Variants in MXRA5 observed in about 807,000 individuals in gnomAD.
MXRA5 encodes matrix-remodeling-associated protein 5.
A neutral mutation model predicts 112.5 loss-of-function variants in MXRA5; 41 were observed. That is an observed-to-expected ratio of 0.36 (90% CI 0.28 to 0.47). MXRA5 has a LOEUF of 0.47. MXRA5 is among the 20% of genes least tolerant of loss of function. The probability of loss-of-function intolerance (pLI) is 0.99; values close to 1 mark genes in which losing one functional copy is unlikely to be tolerated. For missense variants in MXRA5, 2,150 were observed against 2,251.0 expected (o/e 0.96, Z 0.91); for synonymous variants, 862 against 900.8 (o/e 0.96, Z 0.77).
chrX:3,330,434 A>G, intron 3 of MXRA5, 26 bp from the exon 4 acceptor site: 1 of 1,167,090 alleles, frequency 8.6e-7, no homozygotes, highest in Non-Finnish European at 1.1e-6. Flanking sequence ...AAAACAAAAC[A>G]AAACAAAAGG....
intron 2 of MXRA5, among the ~76,000 whole-genome samples, chrX:3,341,057 T>TACATAA (rs1569188305): frequency 8.0e-5 from 2 of 25,030 alleles, no homozygotes; most frequent in Non-Finnish European, 1.1e-4. Context: ...ATAATATATA[T>TACATAA]TATATATTAT....
intron 4 of MXRA5, among the ~76,000 whole-genome samples, chrX:3,325,842 T>A (rs5983123): frequency 5.8e-4 from 18 of 31,108 alleles, no homozygotes; most frequent in Admixed American, 1.6e-3. Flanking sequence ...ATATATTTAT[T>A]CATAAATAAT....
At position 3,317,278 on chromosome X, in the gene MXRA5, C is replaced by T. The variant is rs1921166479; in HGVS notation, c.6403G>A (p.Val2135Met). 8.3e-7 allele frequency: 1 copy of T among 1,206,874 alleles called. No homozygotes were observed. The highest frequency in any genetic ancestry group is 1.1e-6 in the Non-Finnish European group (1 of 892,864). Residue 2135 changes from valine (V) to methionine (M), a missense_variant, in exon 6 of 7, where the codon GTG becomes ATG. Val to Met is a conservative substitution (Grantham distance 21, BLOSUM62 1). Around this residue, in one of 6 missense-constraint regions of MXRA5, gnomAD observed 1,485 missense variants for 1,471.6 expected, o/e 1.01. Coordinates refer to ENST00000217939, the MANE Select transcript of MXRA5 (RefSeq NM_015419.4). ...GCTGCACGCTGCACGTTCAGCTGCA[C>T]CGTCCTGCGCGCGGAGCCTACCAGG... ...ANLVGSARRTVQLNVQRAAAN... is the reference protein window; with the variant it reads ...ANLVGSARRTMQLNVQRAAAN...
At position 3,317,239 on chromosome X, in the gene MXRA5, T is replaced by C; in HGVS notation, c.6442A>G (p.Ile2148Val). ...NVQRAAANARITGTSPRRTDV... is the reference protein window; with the variant it reads ...NVQRAAANARVTGTSPRRTDV... ...GTCCTCCGCGGGGAGGTGCCCGTGATGCGCGCGTTGGCTGCTGCACGCTGC... is the reference window on the plus strand; with the variant it reads ...GTCCTCCGCGGGGAGGTGCCCGTGACGCGCGCGTTGGCTGCTGCACGCTGC... Residue 2148 changes from isoleucine to valine, a missense_variant, in exon 6 of 7, where the codon ATC (isoleucine) becomes GTC (valine). Physicochemically the swap from Ile to Val is conservative, Grantham distance 29. Transcript: ENST00000217939. 8.3e-7 allele frequency: 1 copy of C among 1,211,218 alleles called. No homozygotes were observed. The highest frequency in any genetic ancestry group is 1.1e-6 in the Non-Finnish European group (1 of 895,308).
At chrX:3,335,998 G>A (rs1921776792) in intron 2 of MXRA5, among the ~76,000 whole-genome samples, 1 of 112,230 alleles carries the variant, frequency 8.9e-6, no homozygotes, top group Non-Finnish European at 1.9e-5. Context: ...GGAGGTGAGT[G>A]GTGGGTGAGC....
Position 3,317,325 on chromosome X carries a change from C to T in MXRA5, c.6356G>A (p.Arg2119His), listed in dbSNP as rs749329546. 2 of 1,207,008 alleles carry T rather than the reference C, an allele frequency of 1.7e-6. No homozygotes were observed. Among genetic ancestry groups the T allele is most frequent in the Non-Finnish European group, 2.2e-6 (2 of 893,103 alleles). Reference protein sequence around the residue: ...IRNLAPKDSGRYECVAANLVG... With the variant: ...IRNLAPKDSGHYECVAANLVG... ...CAGGTTGGCGGCCACGCACTCATAG[C>T]GCCCGCTGTCCTTGGGCGCGAGGTT... is the stretch of plus-strand genomic sequence containing the variant. The change falls in exon 6 of 7, where the codon CGC becomes CAC. Residue 2119 changes from arginine (R) to histidine (H), a missense_variant. Arg to His is a conservative substitution (Grantham distance 29, BLOSUM62 0). This residue lies in a region of MXRA5 where 1,485 missense variants were observed against 1,471.6 expected (regional missense o/e 1.01). Coordinates refer to ENST00000217939, the MANE Select transcript of MXRA5 (RefSeq NM_015419.4).
chrX:3,315,683 T>G (rs1921097411), intron 6 of MXRA5, among the ~76,000 whole-genome samples: 1 of 111,107 alleles, frequency 9.0e-6, no homozygotes, highest in African/African-American at 3.3e-5. Flanking sequence ...TGGGAACAGA[T>G]GGCACTTGAT....
intron 5 of MXRA5, among the ~76,000 whole-genome samples, chrX:3,318,344 G>C (rs1181017003): frequency 9.0e-6 from 1 of 110,656 alleles, no homozygotes; most frequent in African/African-American, 3.3e-5. Context: ...ACATGGTCTT[G>C]CTGTGTTGCC....
At chrX:3,316,497 T>TTAATGATAATAATAATAATAATAA (rs1921137327) in intron 6 of MXRA5, among the ~76,000 whole-genome samples, 1 of 85,079 alleles carries the variant, frequency 1.2e-5, no homozygotes, top group Non-Finnish European at 2.2e-5. Flanking sequence ...CTACAAAAAG[T>TTAATGATAATAATAATAATAATAA]TAATAATAAT....
Position 3,320,747 on chromosome X carries a change from C to T in MXRA5, c.4938G>A (p.Pro1646=), listed in dbSNP as rs138419461. Residue 1646 remains proline, a synonymous_variant, in exon 5 of 7, where the codon CCG becomes CCA. Transcript: ENST00000217939. ...SQSPRHWTNK[P]EITTYPSGAL... Reference sequence around the variant, plus strand: ...CCCCAGAAGGATATGTAGTTATTTCCGGTTTGTTGGTCCAGTGACGAGGTG... The same window carrying T: ...CCCCAGAAGGATATGTAGTTATTTCTGGTTTGTTGGTCCAGTGACGAGGTG... 121 of 1,210,166 alleles carry T rather than the reference C, an allele frequency of 1.0e-4. No homozygotes were observed. The highest frequency in any genetic ancestry group is 1.2e-4 in the Non-Finnish European group (103 of 895,234).
At chrX:3,343,213 A>G (rs1163504502) in intron 2 of MXRA5, among the ~76,000 whole-genome samples, 1 of 112,768 alleles carries the variant, frequency 8.9e-6, no homozygotes, top group Non-Finnish European at 1.9e-5. Context: ...TCGCAATTCT[A>G]TCATCTACAT....
chrX:3,339,641 C>T (rs1025391686), intron 2 of MXRA5, among the ~76,000 whole-genome samples: 6 of 111,317 alleles, frequency 5.4e-5, no homozygotes, highest in South Asian at 3.8e-4. Context: ...GAGAATGGGG[C>T]GGATATTCTG....
rs202199625 is a variant in MXRA5, at chrX:3,317,571, G to T, written c.6110C>A (p.Ala2037Asp). The change falls in exon 6 of 7, where the codon GCC (alanine) becomes GAC (aspartate). Residue 2037 changes from alanine to aspartate, a missense_variant. Ala to Asp is a moderately radical substitution (Grantham distance 126). Around this residue, in one of 6 missense-constraint regions of MXRA5, gnomAD observed 1,485 missense variants for 1,471.6 expected, o/e 1.01. Coordinates refer to ENST00000217939, the MANE Select transcript of MXRA5 (RefSeq NM_015419.4). The part of the protein sequence containing the change: ...ASNAAGADSL[A>D]IRLHVAALPP... ...CAGTGCCGCCACGTGCAGGCGGATGGCCAGGCTGTCCGCCCCGGCTGCATT... is the reference window on the plus strand; with the variant it reads ...CAGTGCCGCCACGTGCAGGCGGATGTCCAGGCTGTCCGCCCCGGCTGCATT... 8.3e-7 allele frequency: 1 copy of T among 1,209,228 alleles called. No homozygotes were observed. Among genetic ancestry groups the T allele is most frequent in the African/African-American group, 1.7e-5 (1 of 57,470 alleles).
chrX:3,310,428 C>T lies in MXRA5; in HGVS notation c.7775G>A (p.Arg2592His), dbSNP rs747526081. The T allele has an allele frequency of 1.8e-5, 21 of 1,195,953 alleles. No homozygotes were observed. Among genetic ancestry groups the T allele is most frequent in the Non-Finnish European group, 2.3e-5 (20 of 888,086 alleles). The stretch of plus-strand genomic sequence containing the variant: ...CATGCCGTCAGCCTTGTGGTAGAAG[C>T]GCTGCAGCTGCTGTCCACTCTGCAG... The part of the protein sequence containing the change: ...TDLQSGQQLQ[R>H]FYHKADGMLH... Residue 2592 changes from arginine to histidine, a missense_variant, in exon 7 of 7, where the codon CGC becomes CAC. Around this residue, in one of 6 missense-constraint regions of MXRA5, gnomAD observed 4 missense variants for 16.9 expected, o/e 0.24. Coordinates refer to ENST00000217939, the MANE Select transcript of MXRA5 (RefSeq NM_015419.4).
intron 2 of MXRA5, among the ~76,000 whole-genome samples, chrX:3,338,987 TAGATAGATAG>T (rs778214823): frequency 1.2e-4 from 13 of 110,238 alleles, no homozygotes; most frequent in Non-Finnish European, 2.5e-4. Flanking sequence ...GATAGATAGA[TAGATAGATAG>T]ATAGATATTG....
intron 3 of MXRA5, 113 bp downstream of exon 3, chrX:3,330,531 T>G: frequency 8.9e-7 from 1 of 1,120,477 alleles, no homozygotes. Context: ...TTGTCTTTCA[T>G]GTCAAACAAT....
rs749282344 is a variant in MXRA5, at chrX:3,310,001, C to A, written c.8202G>T (p.Arg2734=). The change falls in exon 7 of 7, where the codon CGG becomes CGT. Residue 2734 remains arginine (R), a synonymous_variant. Transcript: ENST00000217939. ...TGACCGGGGTGGGCTCGCTGGTGAT[C>A]CGGGGAGGATAGGCGATCACAATCA... The part of the protein sequence containing the change: ...IPVIVIAYPP[R]ITSEPTPVIY... 2.1e-5 allele frequency: 25 copies of A among 1,207,179 alleles called. No homozygotes were observed. Among genetic ancestry groups the A allele is most frequent in the Non-Finnish European group, 2.7e-5 (24 of 894,172 alleles).
At chrX:3,340,588 A>C (rs1464315586) in intron 2 of MXRA5, among the ~76,000 whole-genome samples, 1 of 111,383 alleles carries the variant, frequency 9.0e-6, no homozygotes. Context: ...GCAATAGGAA[A>C]AAGAAACTTT....
chrX:3,341,944 C>A (rs12007325), intron 2 of MXRA5, among the ~76,000 whole-genome samples: 2,480 of 108,669 alleles, frequency 0.023, 82 homozygotes, highest in African/African-American at 0.078. Context: ...ACTTTCTGTT[C>A]TGCAAATATC....
Sources: allele counts gnomAD v4.1 joint callset (sites outside exome capture counted in the v4.1 genomes callset), GRCh38; gene constraint gnomAD v4.1.1; regional missense constraint gnomAD v4.1.1; transcripts MANE v1.5; gene names NCBI Gene and HGNC (gene_info 2026-07-23, HGNC 2026-07-21).